The following SHISA9 variants were observed in gnomAD, a reference collection of about 807,000 sequenced individuals.
The protein encoded by SHISA9 is protein shisa-9.
A neutral mutation model predicts 38.0 loss-of-function variants in SHISA9; 13 were observed. The observed-to-expected ratio is 0.34, with a 90% CI of 0.22 to 0.54. The LOEUF (loss-of-function observed/expected upper bound fraction) is 0.54, where lower values mean the gene tolerates loss of function less well. Among genes scored for constraint, SHISA9 ranks in the 20% least tolerant of loss-of-function variants. SHISA9 has a pLI of 0.91. For missense variants in SHISA9, 538 were observed against 575.8 expected (o/e 0.93, Z 0.67); for synonymous variants, 275 against 242.0 (o/e 1.14, Z -1.27).
the SHISA9 span, among the ~76,000 whole-genome samples, chr16:13,298,782 AG>A: frequency 6.6e-6 from 1 of 152,188 alleles, no homozygotes; most frequent in African/African-American, 2.4e-5. Flanking sequence ...GCCCTAAGGA[AG>A]GAGGGCTTGA....
At chr16:12,963,058 G>A (rs2071931567) in intron 2 of SHISA9, among the ~76,000 whole-genome samples, 1 of 152,154 alleles carries the variant, frequency 6.6e-6, no homozygotes, top group Non-Finnish European at 1.5e-5. Flanking sequence ...GCAACCTTGG[G>A]TCCACACAAT....
At chr16:12,910,760 C>A (rs2071171888) in intron 1 of SHISA9, 29 of 972,230 alleles carry the variant, frequency 3.0e-5, no homozygotes, top group Non-Finnish European at 3.5e-5. Flanking sequence ...AGAAACAGAA[C>A]AAATATACAA....
the SHISA9 span, among the ~76,000 whole-genome samples, chr16:13,326,061 G>C: frequency 7.1e-6 from 1 of 141,628 alleles, no homozygotes; most frequent in African/African-American, 2.7e-5. Context: ...AGAACTTAAA[G>C]TCAAATTAAA....
At chr16:13,478,373 CAAAGCA>C in the SHISA9 span, among the ~76,000 whole-genome samples, 4 of 152,200 alleles carry the variant, frequency 2.6e-5, no homozygotes, top group African/African-American at 7.2e-5. Context: ...GCTGTGTTCA[CAAAGCA>C]AAAGATCACA....
At chr16:13,490,623 G>C in the SHISA9 span, among the ~76,000 whole-genome samples, 1 of 152,134 alleles carries the variant, frequency 6.6e-6, no homozygotes, top group South Asian at 2.1e-4. Flanking sequence ...AACTGAGTCT[G>C]AGTCTTTCCT....
At chr16:12,946,716 T>G (rs1299311586) in intron 2 of SHISA9, among the ~76,000 whole-genome samples, 1 of 152,230 alleles carries the variant, frequency 6.6e-6, no homozygotes, top group Non-Finnish European at 1.5e-5. Flanking sequence ...AGAAGAGACA[T>G]TCTCAATAGC....
At chr16:13,434,670 G>T in the SHISA9 span, among the ~76,000 whole-genome samples, 8 of 151,932 alleles carry the variant, frequency 5.3e-5, no homozygotes, top group African/African-American at 1.9e-4. Flanking sequence ...CGCCCACCTC[G>T]GCGTCCCAAA....
rs146437346 is a variant in SHISA9 at position 13,049,190 on chromosome 16, G to T, written c.691+132375G>T. 7.5e-3 allele frequency among the ~76,000 whole-genome samples: 1,041 copies of T among 139,292 alleles called. 11 individuals are homozygous for T. The highest frequency in any genetic ancestry group is 0.028 in the African/African-American group (836 of 29,958). The allele number at this position is 139,292 out of a possible 152,430, so 91.4% of individuals were successfully genotyped here. A position where few individuals can be genotyped will look rare whatever the true frequency, so the allele number is the denominator to read the frequency against. Reference sequence around the variant, plus strand: ...TGTGTGTGTGTGTGTGTGTGTGTGTGTGTGTGTGTGTGTGTATGTGTATGT... The same window carrying T: ...TGTGTGTGTGTGTGTGTGTGTGTGTTTGTGTGTGTGTGTGTATGTGTATGT... On this transcript the variant is annotated intron_variant, in intron 2 of 4. Transcript: ENST00000558583.
the SHISA9 span, among the ~76,000 whole-genome samples, chr16:13,279,792 C>T: frequency 6.6e-6 from 1 of 151,808 alleles, no homozygotes; most frequent in Non-Finnish European, 1.5e-5. Flanking sequence ...TGTCTGTTTT[C>T]AGGTGCATAT....
chr16:13,352,766 T>G, the SHISA9 span, among the ~76,000 whole-genome samples: 3 of 139,244 alleles, frequency 2.2e-5, no homozygotes, highest in African/African-American at 5.8e-5. Context: ...TCAAAGGGGG[T>G]TTGTTCTCTG....
chr16:13,446,166 C>T, the SHISA9 span, among the ~76,000 whole-genome samples: 14 of 152,034 alleles, frequency 9.2e-5, no homozygotes, highest in African/African-American at 2.4e-4. Flanking sequence ...AGGATGGTCT[C>T]GGTCTCCTGA....
intron 2 of SHISA9, among the ~76,000 whole-genome samples, chr16:13,174,537 G>T (rs1278599451): frequency 1.3e-5 from 2 of 152,210 alleles, no homozygotes; most frequent in Non-Finnish European, 2.9e-5. Context: ...CTGGGGGCAG[G>T]GATGAAGGCT....
At chr16:13,493,262 T>C in the SHISA9 span, among the ~76,000 whole-genome samples, 1 of 152,108 alleles carries the variant, frequency 6.6e-6, no homozygotes, top group African/African-American at 2.4e-5. Context: ...AATACCATTC[T>C]TTTAGATCAC....
chr16:13,519,077 T>C, the SHISA9 span, among the ~76,000 whole-genome samples: 2 of 152,184 alleles, frequency 1.3e-5, no homozygotes, highest in African/African-American at 2.4e-5. Context: ...ATTCACATTA[T>C]AGCAATTATT....
chr16:13,275,162 AG>A, the SHISA9 span, among the ~76,000 whole-genome samples: 6 of 152,276 alleles, frequency 3.9e-5, no homozygotes, highest in Non-Finnish European at 7.4e-5. Context: ...CTGATGAGTT[AG>A]GTGTTCACTC....
the SHISA9 span, among the ~76,000 whole-genome samples, chr16:13,367,836 CT>C: frequency 6.6e-6 from 1 of 151,962 alleles, no homozygotes; most frequent in East Asian, 1.9e-4. Context: ...CATTAGCCTC[CT>C]AGCTCCCATT....
rs140319583 is a variant in SHISA9 at position 13,118,593 on chromosome 16, C to G, written c.692-84801C>G. 1.6e-3 allele frequency among the ~76,000 whole-genome samples: 250 copies of G among 152,258 alleles called. 1 individual carries two copies. The highest frequency in any genetic ancestry group is 5.4e-3 in the African/African-American group (224 of 41,574). ...AAAAACAGATTTTGAGTAAGTGAGT[C>G]TGGGGCAGGCCCAGAGATCCTGCAT... On this transcript the variant is annotated intron_variant, in intron 2 of 4. Coordinates refer to ENST00000558583, the MANE Select transcript of SHISA9 (RefSeq NM_001145204.3).
At chr16:13,122,024 A>G (rs1364702717) in intron 2 of SHISA9, among the ~76,000 whole-genome samples, 1 of 152,192 alleles carries the variant, frequency 6.6e-6, no homozygotes, top group African/African-American at 2.4e-5. Flanking sequence ...TGCCCAGCAC[A>G]TTGGAAACTC....
intron 2 of SHISA9, among the ~76,000 whole-genome samples, chr16:12,968,863 A>T (rs1185276558): frequency 1.3e-5 from 2 of 152,140 alleles, no homozygotes; most frequent in Admixed American, 1.3e-4. Context: ...ATAGAATTTT[A>T]TTTATAAAAA....
Sources: allele counts gnomAD v4.1 joint callset (sites outside exome capture counted in the v4.1 genomes callset), GRCh38; gene constraint gnomAD v4.1.1; transcripts MANE v1.5; gene names NCBI Gene and HGNC (gene_info 2026-07-23, HGNC 2026-07-21).